The following PDIA6 variants were observed in gnomAD, a reference collection of about 807,000 sequenced individuals.
PDIA6 encodes protein disulfide isomerase family A member 6.
In PDIA6, 29 loss-of-function variants were observed where a neutral mutation model predicts 58.4. The ratio of observed to expected loss-of-function variants is 0.50; its 90% CI spans 0.37 to 0.68. The LOEUF is 0.68. PDIA6 is among the 30% of genes least tolerant of loss of function. PDIA6 has a pLI of 0.00. For synonymous variants in PDIA6, 192 were observed against 202.6 expected (o/e 0.95, Z 0.44); for missense variants, 480 against 551.0 (o/e 0.87, Z 1.29).
Position 10,793,199 on chromosome 2 carries a change from C to T in PDIA6, c.350G>A (p.Gly117Asp). The change falls in exon 5 of 13, where the codon GGC (glycine) becomes GAC (aspartate). Residue 117 changes from glycine (G) to aspartate (D), a missense_variant. By Grantham distance (94) the Gly-to-Asp change is moderately conservative. Transcript: ENST00000272227. ...NKNRPEDYQG[G>D]RTGEAIVDAA... The stretch of plus-strand genomic sequence containing the variant: ...ATCTACAATGGCTTCACCAGTTCTG[C>T]CACCTACAGGAGACGGAAGGTAGGC... The T allele has an allele frequency of 1.9e-6, 3 of 1,609,262 alleles. No individual in the cohort carries two copies. The highest frequency in any genetic ancestry group is 2.5e-6 in the Non-Finnish European group (3 of 1,177,264).
chr2:10,831,196 C>T (rs543858884), intron 1 of PDIA6, among the ~76,000 whole-genome samples: 1 of 152,318 alleles, frequency 6.6e-6, no homozygotes, highest in African/African-American at 2.4e-5. Flanking sequence ...CGTTGATGAG[C>T]GCTGTGACCA....
At chr2:10,790,861 T>C (rs1337178044) in intron 6 of PDIA6, 28 bp from the exon 7 acceptor site, 1 of 1,555,358 alleles carries the variant, frequency 6.4e-7, no homozygotes, top group South Asian at 1.1e-5. Flanking sequence ...TTTTGTTTTG[T>C]TTCTTTGAGA....
chr2:10,809,118 T>C (rs949793627), intron 1 of PDIA6, among the ~76,000 whole-genome samples: 2 of 152,222 alleles, frequency 1.3e-5, no homozygotes, highest in African/African-American at 2.4e-5. Context: ...CTCAATATTA[T>C]TTTTCATTTT....
At chr2:10,799,313 A>G (rs1734353) in intron 2 of PDIA6, among the ~76,000 whole-genome samples, 74,219 of 152,096 alleles carry the variant, frequency 0.49, 19,655 homozygotes, top group South Asian at 0.58. Flanking sequence ...GGTCTCTAAG[A>G]ACCAAATGCA....
At chr2:10,819,457 G>A in intron 1 of PDIA6, 1 of 679,982 alleles carries the variant, frequency 1.5e-6, no homozygotes, top group Non-Finnish European at 2.5e-6. Context: ...CTGTGAACCT[G>A]CTAAAACTGC....
chr2:10,790,736 G>A lies in PDIA6; in HGVS notation c.682C>T (p.Leu228=). The A allele has an allele frequency of 6.2e-7, 1 of 1,612,916 alleles. No individual in the cohort carries two copies. The stretch of plus-strand genomic sequence containing the variant: ...ATACTCACCCCGTATCGGGAGGCCA[G>A]AACCTGATTGACTGTAGCATCCACA... The part of the protein sequence containing the change: ...AAVDATVNQV[L]ASRYGIRGFP... Residue 228 remains leucine (L), a synonymous_variant, in exon 7 of 13, where the codon CTG becomes TTG. Coordinates refer to ENST00000272227, the MANE Select transcript of PDIA6 (RefSeq NM_005742.4).
At chr2:10,816,354 G>A (rs1326924607), upstream of PDIA6, among the ~76,000 whole-genome samples, 1 of 151,082 alleles carries the variant, frequency 6.6e-6, no homozygotes, top group African/African-American at 2.4e-5. Flanking sequence ...CCAAAGTGCT[G>A]GGATTATAGG....
chr2:10,793,123 C>T lies in PDIA6; in HGVS notation c.426G>A (p.Arg142=), dbSNP rs4799. ...RQLVKDRLGG[R]SGGYSSGKQG... ...GTTTTCCAGAACTGTATCCTCCGCT[C>T]CGTCCCCCGAGGCGATCCTTCACGA... Residue 142 remains arginine, a synonymous_variant, in exon 5 of 13, where the codon CGG becomes CGA. Transcript: ENST00000272227. 0.47 allele frequency: 749,997 copies of T among 1,611,508 alleles called. 178,559 individuals are homozygous for T. The highest frequency in any genetic ancestry group is 0.55 in the Middle Eastern group (3,361 of 6,058).
chr2:10,785,918 T>C (rs957717435), intron 11 of PDIA6, among the ~76,000 whole-genome samples: 2 of 152,174 alleles, frequency 1.3e-5, no homozygotes, highest in African/African-American at 4.8e-5. Flanking sequence ...CTCACCGTGG[T>C]GGCCAGCCTG....
At chr2:10,816,574 T>C (rs1420435082), upstream of PDIA6, among the ~76,000 whole-genome samples, 2 of 148,444 alleles carry the variant, frequency 1.3e-5, no homozygotes, top group African/African-American at 5.1e-5. Context: ...CAATTCCACC[T>C]CCCCACTTTT....
At chr2:10,836,548 T>C (rs866861309), upstream of PDIA6, among the ~76,000 whole-genome samples, 91 of 151,654 alleles carry the variant, frequency 6.0e-4, no homozygotes, top group African/African-American at 1.9e-3. Context: ...GCAGGCTTTT[T>C]TTTTTTTTTA....
upstream of PDIA6, among the ~76,000 whole-genome samples, chr2:10,835,356 T>A (rs916321472): frequency 1.2e-4 from 18 of 151,944 alleles, no homozygotes; most frequent in African/African-American, 4.3e-4. Context: ...CCCGCCTTCT[T>A]GACCAGGCCG....
chr2:10,798,542 C>T (rs371844350), intron 2 of PDIA6, among the ~76,000 whole-genome samples: 8 of 146,578 alleles, frequency 5.5e-5, no homozygotes, highest in Admixed American at 2.8e-4. Flanking sequence ...CACTCCAGCC[C>T]GGGCAACACA....
chr2:10,830,786 A>G (rs1365045380), intron 1 of PDIA6, among the ~76,000 whole-genome samples: 3 of 152,146 alleles, frequency 2.0e-5, no homozygotes, highest in African/African-American at 7.2e-5. Context: ...CCCTGGACAC[A>G]CGGGGACTCC....
chr2:10,800,478 C>T (rs1572672180), intron 2 of PDIA6, among the ~76,000 whole-genome samples: 1 of 151,968 alleles, frequency 6.6e-6, no homozygotes, highest in Non-Finnish European at 1.5e-5. Flanking sequence ...TAAAGTACTA[C>T]ATTAACATCA....
At chr2:10,825,089 C>G (rs1430437548) in intron 1 of PDIA6, among the ~76,000 whole-genome samples, 1 of 152,176 alleles carries the variant, frequency 6.6e-6, no homozygotes, top group East Asian at 1.9e-4. Flanking sequence ...GCCTCCTAGC[C>G]TACATCTTTC....
At chr2:10,785,104 A>G (rs1188474480) in intron 11 of PDIA6, 74 bp from the exon 12 acceptor site, 1 of 1,018,424 alleles carries the variant, frequency 9.8e-7, no homozygotes, top group East Asian at 2.6e-5. Context: ...AACAACTTTA[A>G]AAATAACAGT....
Position 10,804,524 on chromosome 2 carries a change from G to A in PDIA6, c.20-1884C>T, listed in dbSNP as rs1246727558. Among the ~76,000 whole-genome samples the A allele has an allele frequency of 6.1e-5, 7 of 114,122 alleles. 2 individuals carry two copies. The highest frequency in any genetic ancestry group is 1.5e-4 in the Non-Finnish European group (7 of 47,680). The allele number at this position is 114,122 out of a possible 152,430, so 74.9% of individuals were successfully genotyped here. ...TCTGAGGGCTCTGTTCTGTTCCATT[G>A]ATCTATATCTCTGTTTTGGTACCAG... On this transcript the variant is annotated intron_variant, in intron 1 of 12. Transcript: ENST00000272227.
exon 1 of PDIA6, chr2:10,832,415 G>T (rs1427919672): frequency 3.0e-6 from 3 of 985,448 alleles, no homozygotes; most frequent in Non-Finnish European, 3.6e-6. Context: ...ACACCACCTG[G>T]TGGGATTCTA....
Sources: allele counts gnomAD v4.1 joint callset (sites outside exome capture counted in the v4.1 genomes callset), GRCh38; gene constraint gnomAD v4.1.1; transcripts MANE v1.5; gene names NCBI Gene and HGNC (gene_info 2026-07-23, HGNC 2026-07-21).